ADGRB2: variants seen among roughly 807,000 people sequenced by gnomAD.
ADGRB2 encodes brain-specific angiogenesis inhibitor 2.
In ADGRB2, 47 loss-of-function variants were observed where a neutral mutation model predicts 178.7. The observed-to-expected ratio is 0.26, with a 90% CI of 0.21 to 0.34. The LOEUF is 0.34. Among genes scored for constraint, ADGRB2 ranks in the 10% least tolerant of loss-of-function variants. The pLI is 1.00. For missense variants in ADGRB2, 1,584 were observed against 2,180.8 expected (o/e 0.73, Z 5.45); for synonymous variants, 870 against 912.4 (o/e 0.95, Z 0.84).
In ADGRB2 at chr1:31,728,097, C is replaced by A. The variant is rs1569688786; in HGVS notation, c.4516-16G>T. On this transcript the variant is annotated splice_polypyrimidine_tract_variant and intron_variant, in intron 31 of 32. Coordinates refer to ENST00000373658, the MANE Select transcript of ADGRB2 (RefSeq NM_001364857.2). This position sits in a 1 kb window ranked among gnomAD's most constrained non-coding sequence, Gnocchi z 6.7. Reference sequence around the variant, plus strand: ...GCTTCTCCCTCTGCAACGGGGGCCACCGGTCAGGCTCCAACCCCAGGGGCC... The same window carrying A: ...GCTTCTCCCTCTGCAACGGGGGCCAACGGTCAGGCTCCAACCCCAGGGGCC... 6.2e-7 allele frequency: 1 copy of A among 1,610,806 alleles called. No individual in the cohort carries two copies.
chr1:31,730,636 C>T (rs943924449), intron 29 of ADGRB2, among the ~76,000 whole-genome samples, 164 bp downstream of exon 29: 1 of 152,246 alleles, frequency 6.6e-6, no homozygotes. Flanking sequence ...GATTCACAGA[C>T]ACCACGGAGC....
Position 31,757,397 on chromosome 1 carries a change from G to C in ADGRB2, c.-76C>G, listed in dbSNP as rs778819498. On this transcript the variant is annotated 5_prime_UTR_variant, in exon 2 of 33. Coordinates refer to ENST00000373658, the MANE Select transcript of ADGRB2 (RefSeq NM_001364857.2). ...TCTCACTCACTTGCTTTACTGAGAG[G>C]GAGAGAAAGGGGCGGAGTTACAGCC... The C allele has an allele frequency of 3.6e-6, 3 of 838,288 alleles. No individual in the cohort carries two copies. Among genetic ancestry groups the C allele is most frequent in the Non-Finnish European group, 5.8e-6 (3 of 517,010 alleles). 51.9% of individuals were successfully genotyped at this position (838,288 alleles called of 1,614,324 possible).
chr1:31,730,251 C>A (rs1194629648), intron 29 of ADGRB2, among the ~76,000 whole-genome samples: 1 of 152,212 alleles, frequency 6.6e-6, no homozygotes, highest in Non-Finnish European at 1.5e-5. Flanking sequence ...TCAGTTACCA[C>A]AGGCCTGTGG....
chr1:31,763,101 G>A (rs1358499778), intron 1 of ADGRB2, among the ~76,000 whole-genome samples: 1 of 152,198 alleles, frequency 6.6e-6, no homozygotes, highest in Admixed American at 6.5e-5. Context: ...GGGGTGGGAG[G>A]ATAGGGATGG....
chr1:31,731,158 C>T lies in ADGRB2; in HGVS notation c.4022G>A (p.Arg1341Gln), dbSNP rs768872599. ...TCCCTCAGAGCCTGGCTCAGTGGGC[C>T]GCAGCCATGTGAGGTCCAGCTGCCG... ...GLRQLDLTWL[R>Q]PTEPGSEGDY... is the part of the protein sequence containing the mutation. The change falls in exon 29 of 33, where the codon CGG becomes CAG. Residue 1341 changes from arginine (R) to glutamine (Q), a missense_variant. Arg to Gln is a conservative substitution (Grantham distance 43). Transcript: ENST00000373658. 3.8e-6 allele frequency: 6 copies of T among 1,597,248 alleles called. No individual in the cohort carries two copies. Among genetic ancestry groups the T allele is most frequent in the Admixed American group, 1.7e-5 (1 of 58,192 alleles).
rs935395010 is a variant in ADGRB2 at position 31,741,534 on chromosome 1, T to A, written c.1688-55A>T. On this transcript the variant is annotated intron_variant, in intron 10 of 32. Transcript: ENST00000373658. This position sits in a 1 kb window ranked among gnomAD's most constrained non-coding sequence, Gnocchi z 6.5. Reference sequence around the variant, plus strand: ...ATGGGGGCCGAGCTCTCACCCACACTCCTCCGTATCTCAGAGAGGCTGGGG... The same window carrying A: ...ATGGGGGCCGAGCTCTCACCCACACACCTCCGTATCTCAGAGAGGCTGGGG... 3.3e-5 allele frequency: 52 copies of A among 1,584,140 alleles called. No homozygotes were observed. Among genetic ancestry groups the A allele is most frequent in the Non-Finnish European group, 4.5e-5 (52 of 1,161,620 alleles).
chr1:31,760,365 A>G (rs1647002968), intron 1 of ADGRB2, among the ~76,000 whole-genome samples: 1 of 152,006 alleles, frequency 6.6e-6, no homozygotes, highest in African/African-American at 2.4e-5. Flanking sequence ...ACCCCAGCAA[A>G]CCCAAGAATC....
chr1:31,729,452 G>T (rs752228169), intron 29 of ADGRB2, among the ~76,000 whole-genome samples: 2 of 152,030 alleles, frequency 1.3e-5, no homozygotes, highest in Non-Finnish European at 2.9e-5. Flanking sequence ...GCCTACCCTG[G>T]CTTCTGTAAT....
At position 31,740,098 on chromosome 1, in the gene ADGRB2, T is replaced by C. The variant is rs760650389; in HGVS notation, c.2058+12A>G. 9 of 1,614,042 alleles carry C rather than the reference T, an allele frequency of 5.6e-6. No individual in the cohort carries two copies. The South Asian group carries it at 8.8e-5, about 16-fold the overall frequency. On this transcript the variant is annotated intron_variant, in intron 13 of 32. Transcript: ENST00000373658. The surrounding 1 kb of genome is among the most constrained non-coding windows in gnomAD (Gnocchi z 5.9). ...GGTCACGGGAGGAGAAGCTGGCAGC[T>C]GTGCCCCGCACCTGCTGAGCATCGT...
Position 31,744,098 on chromosome 1 carries a change from A to G in ADGRB2, c.1087+95T>C. ...ACAGCCACATTTGTTGAATGAAAGGAGGAGGCAACCAACCATTTTGGAGAT... is the reference window on the plus strand; with the variant it reads ...ACAGCCACATTTGTTGAATGAAAGGGGGAGGCAACCAACCATTTTGGAGAT... On this transcript the variant is annotated intron_variant, in intron 6 of 32. Transcript: ENST00000373658. The surrounding 1 kb of genome is among the most constrained non-coding windows in gnomAD (Gnocchi z 6.7). 7.2e-7 allele frequency: 1 copy of G among 1,393,068 alleles called. No homozygotes were observed. The highest frequency in any genetic ancestry group is 9.6e-7 in the Non-Finnish European group (1 of 1,047,016). The allele number at this position is 1,393,068 out of a possible 1,614,324, so 86.3% of individuals were successfully genotyped here.
Position 31,727,359 on chromosome 1 carries a change from G to C in ADGRB2, c.*61C>G. ...GCGCTGGCTCCTGGGTAGTTCCAAA[G>C]TGGAGTGTGAAAATAGAGAGATATA... On this transcript the variant is annotated 3_prime_UTR_variant, in exon 33 of 33. Coordinates refer to ENST00000373658, the MANE Select transcript of ADGRB2 (RefSeq NM_001364857.2). This position sits in a 1 kb window ranked among gnomAD's most constrained non-coding sequence, Gnocchi z 4.4. 2 of 1,506,462 alleles carry C rather than the reference G, an allele frequency of 1.3e-6. No homozygotes were observed. The highest frequency in any genetic ancestry group is 1.8e-6 in the Non-Finnish European group (2 of 1,136,242). The allele number at this position is 1,506,462 out of a possible 1,614,324, so 93.3% of individuals were successfully genotyped here.
rs1645050067 is a variant in ADGRB2 at position 31,727,621 on chromosome 1, G to C, written c.4573-16C>G. On this transcript the variant is annotated splice_polypyrimidine_tract_variant and intron_variant, in intron 32 of 32. Coordinates refer to ENST00000373658, the MANE Select transcript of ADGRB2 (RefSeq NM_001364857.2). This position sits in a 1 kb window ranked among gnomAD's most constrained non-coding sequence, Gnocchi z 4.4. The stretch of plus-strand genomic sequence containing the variant: ...TGGGCTTATCCTGTGGAGGGAGCGG[G>C]AGGGGCCGTGGAGATGGGCCAATAT... 6.7e-7 allele frequency: 1 copy of C among 1,495,958 alleles called. No homozygotes were observed. The highest frequency in any genetic ancestry group is 8.9e-7 in the Non-Finnish European group (1 of 1,129,020). 92.7% of individuals were successfully genotyped at this position (1,495,958 alleles called of 1,614,324 possible).
chr1:31,764,074 CG>C lies in ADGRB2; in HGVS notation c.-382del. On this transcript the variant is annotated 5_prime_UTR_variant, in exon 1 of 33. Coordinates refer to ENST00000373658, the MANE Select transcript of ADGRB2 (RefSeq NM_001364857.2). This position sits in a 1 kb window ranked among gnomAD's most constrained non-coding sequence, Gnocchi z 7.3. ...GCGCCGCGGAGCAGCGCGGGGCGGGCGGGCGGGCGGCGCCGGGCCGGGCGCG... is the reference window on the plus strand; with the variant it reads ...GCGCCGCGGAGCAGCGCGGGGCGGGCGGCGGGCGGCGCCGGGCCGGGCGCG... 5.1e-5 allele frequency: 4 copies of C among 77,966 alleles called. No individual in the cohort carries two copies. Among genetic ancestry groups the C allele is most frequent in the Middle Eastern group, 6.0e-3 (1 of 166 alleles). The allele number at this position is 77,966 out of a possible 1,614,324, so 4.8% of individuals were successfully genotyped here. A position where few individuals can be genotyped will look rare whatever the true frequency, so the allele number is the denominator to read the frequency against.
Position 31,728,747 on chromosome 1 carries a change from C to A in ADGRB2, c.4381-114G>T. On this transcript the variant is annotated intron_variant, in intron 29 of 32. Coordinates refer to ENST00000373658, the MANE Select transcript of ADGRB2 (RefSeq NM_001364857.2). The surrounding 1 kb of genome is among the most constrained non-coding windows in gnomAD (Gnocchi z 6.7). ...GGGGTCTGCCCGCTGCACCTTCCCCCCAACCCAGGCCCAGAAGTTGCGGAC... is the reference window on the plus strand; with the variant it reads ...GGGGTCTGCCCGCTGCACCTTCCCCACAACCCAGGCCCAGAAGTTGCGGAC... 1.5e-6 allele frequency: 2 copies of A among 1,296,716 alleles called. No homozygotes were observed. Among genetic ancestry groups the A allele is most frequent in the Non-Finnish European group, 2.2e-6 (2 of 907,074 alleles). The allele number at this position is 1,296,716 out of a possible 1,614,324, so 80.3% of individuals were successfully genotyped here. A position where few individuals can be genotyped will look rare whatever the true frequency, so the allele number is the denominator to read the frequency against.
rs551859489 is a variant in ADGRB2 at position 31,753,734 on chromosome 1, C to T, written c.838+2265G>A. Among the ~76,000 whole-genome samples the T allele has an allele frequency of 1.3e-5, 2 of 152,338 alleles. No homozygotes were observed. The highest frequency in any genetic ancestry group is 4.8e-5 in the African/African-American group (2 of 41,570). ...CTGCCACAAGGCACAGACGGTGCCA[C>T]GGACCCTCAGACATGCCCTGACATG... On this transcript the variant is annotated intron_variant, in intron 4 of 32. Transcript: ENST00000373658. The surrounding 1 kb of genome is among the most constrained non-coding windows in gnomAD (Gnocchi z 4.1).
Position 31,756,737 on chromosome 1 carries a change from C to T in ADGRB2, c.100G>A (p.Asp34Asn), listed in dbSNP as rs1236017996. 1.3e-6 allele frequency: 2 copies of T among 1,575,408 alleles called. No individual in the cohort carries two copies. Among genetic ancestry groups the T allele is most frequent in the Non-Finnish European group, 1.7e-6 (2 of 1,161,804 alleles). Residue 34 changes from aspartate (D) to asparagine (N), a missense_variant, in exon 4 of 33, where the codon GAC becomes AAC. Asp to Asn is a conservative substitution (Grantham distance 23). Transcript: ENST00000373658. The surrounding 1 kb of genome is among the most constrained non-coding windows in gnomAD (Gnocchi z 8.5). ...ILSLRLATAF[D>N]PAPSACSALA... ...GCAGAGCAGGCACTGGGGGCGGGGT[C>T]GAAGGCGGTGGCCAGGCGCAGGGAC...
Position 31,748,720 on chromosome 1 carries a change from A to G in ADGRB2, c.839-3989T>C, listed in dbSNP as rs1398869858. Among the ~76,000 whole-genome samples, 4 of 152,258 alleles carry G rather than the reference A, an allele frequency of 2.6e-5. No homozygotes were observed. In the East Asian group the frequency reaches 7.7e-4, roughly 29 times the overall value. On this transcript the variant is annotated intron_variant, in intron 4 of 32. Coordinates refer to ENST00000373658, the MANE Select transcript of ADGRB2 (RefSeq NM_001364857.2). Reference sequence around the variant, plus strand: ...CTATCAGCTTTCCCGTCGGGCTGCCAGTCATGGGCACAAACAGATGTGCTG... The same window carrying G: ...CTATCAGCTTTCCCGTCGGGCTGCCGGTCATGGGCACAAACAGATGTGCTG...
In ADGRB2 at chr1:31,740,893, G is replaced by GCA. The variant is rs1447252239; in HGVS notation, c.1795-353_1795-352insTG. 1.2e-4 allele frequency among the ~76,000 whole-genome samples: 4 copies of GCA among 33,708 alleles called. No homozygotes were observed. Among genetic ancestry groups the GCA allele is most frequent in the African/African-American group, 1.5e-4 (2 of 13,018 alleles). 22.1% of individuals were successfully genotyped at this position (33,708 alleles called of 152,430 possible). On this transcript the variant is annotated intron_variant, in intron 11 of 32. Transcript: ENST00000373658. This position sits in a 1 kb window ranked among gnomAD's most constrained non-coding sequence, Gnocchi z 5.9. The stretch of plus-strand genomic sequence containing the variant: ...GTAATGAGCATGTGTGTGGGCGCGC[G>GCA]CGCACACACACACACACACACACAC...
rs770978731 is a variant in ADGRB2 at position 31,756,612 on chromosome 1, G to T, written c.225C>A (p.Thr75=). 7.5e-6 allele frequency: 12 copies of T among 1,606,810 alleles called. No homozygotes were observed. Among genetic ancestry groups the T allele is most frequent in the Admixed American group, 5.0e-5 (3 of 59,532 alleles). The change falls in exon 4 of 33, where the codon ACC becomes ACA. Residue 75 remains threonine (T), a synonymous_variant. Coordinates refer to ENST00000373658, the MANE Select transcript of ADGRB2 (RefSeq NM_001364857.2). The surrounding 1 kb of genome is among the most constrained non-coding windows in gnomAD (Gnocchi z 8.5). Reference sequence around the variant, plus strand: ...TGAAGCGCAGGTAGAGGGAGTACTTGGTGGGGTCAGGGTTCTCCAGGGTCC... The same window carrying T: ...TGAAGCGCAGGTAGAGGGAGTACTTTGTGGGGTCAGGGTTCTCCAGGGTCC... The part of the protein sequence containing the change: ...CSWTLENPDP[T]KYSLYLRFNR...
Sources: allele counts gnomAD v4.1 joint callset (sites outside exome capture counted in the v4.1 genomes callset), GRCh38; gene constraint gnomAD v4.1.1; non-coding constraint Gnocchi (gnomAD v3.1); transcripts MANE v1.5; gene names NCBI Gene and HGNC (gene_info 2026-07-23, HGNC 2026-07-21).